NAV3: variants seen among roughly 807,000 people sequenced by gnomAD.
NAV3 encodes the protein neuron navigator 3, also known as pore membrane and/or filament interacting like protein 1.
Under a neutral mutation model 244.7 loss-of-function variants are expected in NAV3, and 87 were observed. That is an observed-to-expected ratio of 0.36 (90% confidence interval 0.30 to 0.42). The LOEUF is 0.42. NAV3 is among the 20% of genes least tolerant of loss of function. NAV3 has a pLI of 1.00. For missense variants in NAV3, 2,663 were observed against 2,893.3 expected, an observed-to-expected ratio of 0.92 and a Z score of 1.83; for synonymous variants, 1,126 against 1,042.2, an observed-to-expected ratio of 1.08 and a Z score of -1.55.
intron 1 of NAV3, among the ~76,000 whole-genome samples, chr12:77,842,527 G>A (rs1035725240): frequency 4.6e-5 from 7 of 151,074 alleles, no homozygotes; most frequent in Non-Finnish European, 1.0e-4. Flanking sequence ...ATCGGGTGAA[G>A]TCAAGTATCC....
chr12:77,662,936 G>A (rs756395379), intron 2 of NAV3, among the ~76,000 whole-genome samples: 1 of 152,032 alleles, frequency 6.6e-6, no homozygotes, highest in African/African-American at 2.4e-5. Flanking sequence ...AATGCTAAGT[G>A]CATTAAGGAT....
rs192387232 is a variant in NAV3, at chr12:77,756,551, T to G, written c.73-183768T>G. On this transcript the variant is annotated intron_variant, in intron 2 of 8. Transcript: ENST00000550042. ...ATGCTCCTTTAGGAACTGTGTGGTT[T>G]ATGAGCCTGGAATGTCATATGCAAA... Among the ~76,000 whole-genome samples, 297 of 152,330 alleles carry G rather than the reference T, an allele frequency of 1.9e-3. 3 individuals are homozygous for G. Among genetic ancestry groups the G allele is most frequent in the African/African-American group, 6.9e-3 (285 of 41,582 alleles).
intron 2 of NAV3, among the ~76,000 whole-genome samples, chr12:77,575,864 T>C (rs1479251374): frequency 2.0e-5 from 3 of 152,290 alleles, no homozygotes; most frequent in Admixed American, 1.3e-4. Context: ...CACTTCAGAA[T>C]CATGGCACAA....
intron 16 of NAV3, among the ~76,000 whole-genome samples, chr12:78,126,913 T>C (rs1955933049): frequency 6.6e-6 from 1 of 152,180 alleles, no homozygotes; most frequent in African/African-American, 2.4e-5. Flanking sequence ...ATTATGCTAA[T>C]GTGATTTAAT....
At chr12:77,600,102 G>A (rs920798684) in intron 2 of NAV3, among the ~76,000 whole-genome samples, 8 of 152,038 alleles carry the variant, frequency 5.3e-5, no homozygotes, top group South Asian at 2.1e-4. Context: ...AAACATTGAT[G>A]CTTAAGCAAA....
At chr12:77,907,906 A>G (rs1886164385) in intron 1 of NAV3, among the ~76,000 whole-genome samples, 1 of 152,134 alleles carries the variant, frequency 6.6e-6, no homozygotes, top group Non-Finnish European at 1.5e-5. Flanking sequence ...ACATACTTGT[A>G]AGGATGTGTG....
intron 1 of NAV3, among the ~76,000 whole-genome samples, chr12:77,925,621 T>C (rs1238951234): frequency 2.0e-5 from 3 of 152,124 alleles, no homozygotes; most frequent in Admixed American, 2.0e-4. Context: ...TGGCTCATTA[T>C]TTGAGCAGCA....
At chr12:77,629,117 C>T (rs978811579) in intron 2 of NAV3, among the ~76,000 whole-genome samples, 2 of 152,004 alleles carry the variant, frequency 1.3e-5, no homozygotes, top group Non-Finnish European at 2.9e-5. Flanking sequence ...ATCTGTAATA[C>T]TTCATAACAA....
At chr12:77,592,159 G>A (rs1441995803) in intron 2 of NAV3, among the ~76,000 whole-genome samples, 2 of 152,154 alleles carry the variant, frequency 1.3e-5, no homozygotes, top group Admixed American at 6.5e-5. Flanking sequence ...GCCAGCTGCT[G>A]CCTGTCATTA....
intron 2 of NAV3, among the ~76,000 whole-genome samples, chr12:77,668,644 A>G (rs1443851412): frequency 6.6e-6 from 1 of 152,180 alleles, no homozygotes. Flanking sequence ...GAAGTATAGG[A>G]CTATATTATT....
chr12:77,961,117 A>C (rs1489580407), intron 3 of NAV3, among the ~76,000 whole-genome samples: 1 of 145,782 alleles, frequency 6.9e-6, no homozygotes, highest in East Asian at 2.1e-4. Context: ...TATGTAATAT[A>C]ATAAATATAT....
chr12:77,951,328 G>A lies in NAV3; in HGVS notation c.414+10195G>A, dbSNP rs546441916. 3.2e-3 allele frequency among the ~76,000 whole-genome samples: 494 copies of A among 152,212 alleles called. 3 individuals are homozygous for A. The highest frequency in any genetic ancestry group is 0.011 in the African/African-American group (476 of 41,536). On this transcript the variant is annotated intron_variant, in intron 3 of 39. Coordinates refer to ENST00000397909, the MANE Select transcript of NAV3 (RefSeq NM_001024383.2). ...ACAGGCACATGAAAAAATGTTCATC[G>A]TCACTGGCCATCAGAGAAATGCAAA...
At chr12:77,658,427 A>C (rs1452022213) in intron 2 of NAV3, among the ~76,000 whole-genome samples, 2 of 148,282 alleles carry the variant, frequency 1.3e-5, no homozygotes, top group Non-Finnish European at 3.0e-5. Flanking sequence ...CTTCAAGGAG[A>C]ACTACAAACC....
At chr12:78,177,101 T>C in intron 26 of NAV3, 40 bp from the exon 27 acceptor site, 4 of 1,610,584 alleles carry the variant, frequency 2.5e-6, no homozygotes, top group Non-Finnish European at 3.4e-6. Flanking sequence ...GCTCTCCAAG[T>C]GCAAATAGAC....
intron 2 of NAV3, among the ~76,000 whole-genome samples, chr12:77,580,103 C>T (rs1565722983): frequency 6.6e-6 from 1 of 152,020 alleles, no homozygotes; most frequent in Non-Finnish European, 1.5e-5. Flanking sequence ...TTGCTCAAAT[C>T]ACGGCACTCC....
intron 2 of NAV3, among the ~76,000 whole-genome samples, chr12:77,742,579 T>C (rs1401037858): frequency 6.6e-6 from 1 of 152,082 alleles, no homozygotes; most frequent in Non-Finnish European, 1.5e-5. Flanking sequence ...TATTTTATCA[T>C]TTACTACCAT....
chr12:77,717,990 A>T (rs979342196), intron 2 of NAV3, among the ~76,000 whole-genome samples: 1 of 152,184 alleles, frequency 6.6e-6, no homozygotes, highest in African/African-American at 2.4e-5. Context: ...TGTATCAGAT[A>T]TGTGAATTGC....
chr12:78,085,445 G>T (rs1953583707), intron 12 of NAV3, among the ~76,000 whole-genome samples: 1 of 152,056 alleles, frequency 6.6e-6, no homozygotes, highest in Non-Finnish European at 1.5e-5. Context: ...ACATGCCCAA[G>T]GCCAAAAGTC....
chr12:77,762,706 C>T (rs549596282), intron 2 of NAV3, among the ~76,000 whole-genome samples: 1 of 147,944 alleles, frequency 6.8e-6, no homozygotes, highest in African/African-American at 2.5e-5. Flanking sequence ...AAATTTCCAC[C>T]CAGGCTTCAT....
Sources: allele counts gnomAD v4.1 joint callset (sites outside exome capture counted in the v4.1 genomes callset), GRCh38; gene constraint gnomAD v4.1.1; transcripts MANE v1.5; gene names NCBI Gene and HGNC (gene_info 2026-07-23, HGNC 2026-07-21).